The following PKD1L1 variants were observed in gnomAD, a reference collection of about 807,000 sequenced individuals.
The protein encoded by PKD1L1 is polycystin 1 like 1, transient receptor potential channel interacting.
Under a neutral mutation model 323.4 loss-of-function variants are expected in PKD1L1, and 236 were observed. The observed-to-expected ratio is 0.73, with a 90% CI of 0.66 to 0.81. The LOEUF (loss-of-function observed/expected upper bound fraction) is 0.81, where lower values mean the gene tolerates loss of function less well. PKD1L1 is among the 40% of genes least tolerant of loss of function. PKD1L1 has a pLI of 0.00. For missense variants in PKD1L1, 3,320 were observed against 3,508.0 expected (o/e 0.95, Z 1.35); for synonymous variants, 1,344 against 1,335.0 (o/e 1.01, Z -0.15).
At chr7:47,789,905 T>C (rs1233180337) in intron 56 of PKD1L1, among the ~76,000 whole-genome samples, 1 of 152,220 alleles carries the variant, frequency 6.6e-6, no homozygotes, top group East Asian at 1.9e-4. Context: ...TTATTTATTT[T>C]TGAGGCAGAG....
At chr7:47,876,815 T>C (rs1786414899) in intron 22 of PKD1L1, among the ~76,000 whole-genome samples, 1 of 152,116 alleles carries the variant, frequency 6.6e-6, no homozygotes, top group African/African-American at 2.4e-5. Context: ...AGTCTCACAC[T>C]GTCTCCCAGG....
At position 47,885,912 on chromosome 7, in the gene PKD1L1, T is replaced by A. The variant is rs147875086; in HGVS notation, c.2979A>T (p.Ser993=). 8.0e-4 allele frequency: 1,294 copies of A among 1,614,048 alleles called. 2 individuals carry two copies. The highest frequency in any genetic ancestry group is 9.5e-4 in the Non-Finnish European group (1,122 of 1,180,008). ...TGGCAGGTTGGCCAAGGGTCACGGG[T>A]GAAGGTTCCCGTGAGAATGGTGTGG... ...ATTTPFSREP[S]PVTLGQPATS... Residue 993 remains serine, a synonymous_variant, in exon 18 of 57, where the codon TCA becomes TCT. Transcript: ENST00000289672.
intron 14 of PKD1L1, among the ~76,000 whole-genome samples, chr7:47,894,345 C>T (rs1411111801): frequency 6.6e-6 from 1 of 152,152 alleles, no homozygotes; most frequent in Non-Finnish European, 1.5e-5. Context: ...CATGTGTGCA[C>T]ATTTTATAGT....
chr7:47,864,610 T>TTC (rs1409620054), intron 26 of PKD1L1, among the ~76,000 whole-genome samples: 6 of 138,776 alleles, frequency 4.3e-5, no homozygotes, highest in Admixed American at 2.2e-4. Context: ...CTTTCTTTCT[T>TTC]TCTTTCTTTC....
At chr7:47,777,720 C>G (rs1466203535) in intron 56 of PKD1L1, among the ~76,000 whole-genome samples, 1 of 152,186 alleles carries the variant, frequency 6.6e-6, no homozygotes, top group Non-Finnish European at 1.5e-5. Context: ...CAGAGCAAAA[C>G]AGGATCCAGG....
intron 47 of PKD1L1, among the ~76,000 whole-genome samples, chr7:47,815,105 TGGAGAATC>T (rs1203908019): frequency 2.6e-5 from 4 of 152,170 alleles, no homozygotes; most frequent in Admixed American, 1.3e-4. Context: ...CACAGGAATC[TGGAGAATC>T]CCGTGCAGCT....
chr7:47,825,446 G>A lies in PKD1L1; in HGVS notation c.6854+1904C>T, dbSNP rs533456965. ...CTTGGGAGGCTGAGGCAGGAGAATC[G>A]CTTAAACCTGAGAGGCGGGGGTTGC... On this transcript the variant is annotated intron_variant, in intron 45 of 56. Transcript: ENST00000289672. 6.6e-5 allele frequency among the ~76,000 whole-genome samples: 10 copies of A among 151,442 alleles called. No homozygotes were observed. In the East Asian group the frequency reaches 1.2e-3, roughly 18 times the overall value.
intron 8 of PKD1L1, among the ~76,000 whole-genome samples, chr7:47,910,826 T>TTTTTTGTGTGTGTG (rs762737755): frequency 7.9e-6 from 1 of 126,082 alleles, no homozygotes; most frequent in African/African-American, 3.3e-5. Context: ...CCAGCTGATT[T>TTTTTTGTGTGTGTG]TGTGTGTGTG....
chr7:47,936,934 C>G lies in PKD1L1; in HGVS notation c.310G>C (p.Ala104Pro). ...TTTTCATTAACAACACTTAACGCTG[C>G]TTCACTAGTTGTTTTCCAAATGTTC... ...QKNIWKTTSE[A>P]ALSVVNEKTQ... The change falls in exon 4 of 57, where the codon GCA becomes CCA. Residue 104 changes from alanine to proline, a missense_variant. Physicochemically the swap from Ala to Pro is conservative, Grantham distance 27 (BLOSUM62 -1). Coordinates refer to ENST00000289672, the MANE Select transcript of PKD1L1 (RefSeq NM_138295.5). 1 of 1,611,304 alleles carries G rather than the reference C, an allele frequency of 6.2e-7. No individual in the cohort carries two copies. Among genetic ancestry groups the G allele is most frequent in the East Asian group, 2.2e-5 (1 of 44,868 alleles).
the PKD1L1 span, among the ~76,000 whole-genome samples, chr7:47,957,566 T>C: frequency 2.0e-5 from 3 of 152,138 alleles, no homozygotes; most frequent in Non-Finnish European, 2.9e-5. Context: ...TGAAGTGCAG[T>C]GTTGCAATCA....
chr7:47,943,164 ATATATATAT>A (rs1257163695), intron 2 of PKD1L1, among the ~76,000 whole-genome samples: 1,384 of 25,636 alleles, frequency 0.054, 51 homozygotes, highest in African/African-American at 0.18. Context: ...AAAAAAAAAA[ATATATATAT>A]ATATATATAT....
Position 47,936,875 on chromosome 7 carries a change from CGCCTGTGTTTTTTCATTAACAACA to C in PKD1L1, c.345_368del (p.Val116_Ala123del), listed in dbSNP as rs776272692. The stretch of plus-strand genomic sequence containing the variant: ...CAGCACTGTTATCACAATCCAGAGG[CGCCTGTGTTTTTTCATTAACAACA>C]GCCTGTGTTTTTTCATTAACAACAC... On this transcript the variant is annotated inframe_deletion, in exon 4 of 57. Transcript: ENST00000289672. The C allele has an allele frequency of 8.0e-5, 129 of 1,613,678 alleles. 1 individual carries two copies. Among genetic ancestry groups the C allele is most frequent in the South Asian group, 7.6e-4 (69 of 90,916 alleles).
chr7:47,910,274 G>A (rs546895686), intron 8 of PKD1L1, among the ~76,000 whole-genome samples: 45 of 152,036 alleles, frequency 3.0e-4, no homozygotes, highest in African/African-American at 1.0e-3. Context: ...TACACTCCAC[G>A]GACTCAGAGG....
rs186442815 is a variant in PKD1L1, at chr7:47,795,247, T to G, written c.8355+742A>C. 6.4e-5 allele frequency: 26 copies of G among 409,020 alleles called. No individual in the cohort carries two copies. In the Admixed American group the frequency reaches 6.5e-4, roughly 10 times the overall value. The allele number at this position is 409,020 out of a possible 1,614,324, so 25.3% of individuals were successfully genotyped here. A position where few individuals can be genotyped will look rare whatever the true frequency, so the allele number is the denominator to read the frequency against. On this transcript the variant is annotated intron_variant, in intron 55 of 56. Transcript: ENST00000289672. The stretch of plus-strand genomic sequence containing the variant: ...ATTCCCACATGTTGTGGGAGGGACC[T>G]AGTGGGAGGTAATTGAATCATAGGG...
chr7:47,784,637 A>G (rs1786767822), intron 56 of PKD1L1, among the ~76,000 whole-genome samples: 1 of 151,678 alleles, frequency 6.6e-6, no homozygotes, highest in Admixed American at 6.6e-5. Flanking sequence ...TATGCCCGCT[A>G]ATTTTTTGTA....
chr7:47,828,109 G>C (rs1184966249), intron 44 of PKD1L1, among the ~76,000 whole-genome samples: 1 of 152,102 alleles, frequency 6.6e-6, no homozygotes. Context: ...CAGAGTGTTG[G>C]GGCTTAAGTT....
chr7:47,959,621 C>T, the PKD1L1 span, among the ~76,000 whole-genome samples: 1 of 117,192 alleles, frequency 8.5e-6, no homozygotes, highest in African/African-American at 2.8e-5. Context: ...AGCCCCTCCG[C>T]CCGGCAGCCA....
chr7:47,902,011 C>CA (rs958210443), intron 13 of PKD1L1, among the ~76,000 whole-genome samples: 2 of 134,276 alleles, frequency 1.5e-5, no homozygotes, highest in African/African-American at 6.9e-5. Flanking sequence ...TAGCATAATC[C>CA]AAAAAAAGAA....
intron 50 of PKD1L1, among the ~76,000 whole-genome samples, chr7:47,811,444 C>G (rs777814806): frequency 6.6e-6 from 1 of 152,126 alleles, no homozygotes; most frequent in Non-Finnish European, 1.5e-5. Flanking sequence ...CATAAGCCAC[C>G]GCGCCTGGCC....
Sources: gnomAD v4.1 joint callset for allele counts (sites outside exome capture counted in the v4.1 genomes callset) on GRCh38, gnomAD v4.1.1 for gene constraint, MANE v1.5 for transcripts, NCBI Gene and HGNC (gene_info 2026-07-23, HGNC 2026-07-21) for gene names.